ZNF346: variants seen among roughly 807,000 people sequenced by gnomAD.
ZNF346 encodes the protein zinc finger protein 346, also known as double-stranded RNA-binding zinc finger protein JAZ.
Under a neutral mutation model 33.7 loss-of-function variants are expected in ZNF346, and 23 were observed. The ratio of observed to expected loss-of-function variants is 0.68; its 90% CI spans 0.49 to 0.97. The LOEUF is 0.97. Among genes scored for constraint, ZNF346 ranks in the 50% least tolerant of loss-of-function variants. The pLI, the probability that ZNF346 is intolerant of heterozygous loss-of-function variation, is 0.00. For missense variants in ZNF346, 340 were observed against 371.1 expected, an observed-to-expected ratio of 0.92 and a Z score of 0.69; for synonymous variants, 134 against 142.4, an observed-to-expected ratio of 0.94 and a Z score of 0.42.
chr5:177,045,701 G>A (rs1052541512), intron 4 of ZNF346, among the ~76,000 whole-genome samples: 1 of 151,876 alleles, frequency 6.6e-6, no homozygotes, highest in Non-Finnish European at 1.5e-5. Flanking sequence ...ATATTGCTCA[G>A]GCTGGTCTTG....
chr5:177,032,888 T>C (rs1161562600), intron 1 of ZNF346, among the ~76,000 whole-genome samples: 1 of 152,120 alleles, frequency 6.6e-6, no homozygotes, highest in African/African-American at 2.4e-5. Context: ...AGACTCTGAC[T>C]CTAAAAAATT....
At chr5:177,061,425 C>T (rs1003724909) in intron 5 of ZNF346, among the ~76,000 whole-genome samples, 3 of 152,120 alleles carry the variant, frequency 2.0e-5, no homozygotes, top group Non-Finnish European at 4.4e-5. Flanking sequence ...AGCCTGGCCA[C>T]AGAGCGAGAC....
chr5:177,061,042 G>A (rs903249591), intron 5 of ZNF346, among the ~76,000 whole-genome samples: 6 of 152,070 alleles, frequency 3.9e-5, no homozygotes, highest in Admixed American at 1.3e-4. Context: ...AACCCGGGAG[G>A]CGGAGCTTGC....
intron 4 of ZNF346, among the ~76,000 whole-genome samples, chr5:177,045,282 T>TA (rs1659368544): frequency 6.6e-6 from 1 of 152,218 alleles, no homozygotes; most frequent in African/African-American, 2.4e-5. Flanking sequence ...ACACTATTAG[T>TA]AATACTATTA....
intron 1 of ZNF346, among the ~76,000 whole-genome samples, chr5:177,028,079 G>A (rs1300356022): frequency 9.4e-6 from 1 of 106,486 alleles, no homozygotes; most frequent in African/African-American, 3.9e-5. Context: ...TTTTGAGACG[G>A]GGTCTTGCCA....
At chr5:177,039,988 G>A (rs1779124339) in intron 1 of ZNF346, among the ~76,000 whole-genome samples, 2 of 151,982 alleles carry the variant, frequency 1.3e-5, no homozygotes, top group Admixed American at 6.6e-5. Flanking sequence ...AGACCATCCT[G>A]GCTAACACGA....
chr5:177,060,608 T>C (rs1183671734), intron 5 of ZNF346, among the ~76,000 whole-genome samples: 1 of 151,460 alleles, frequency 6.6e-6, no homozygotes, highest in African/African-American at 2.4e-5. Context: ...GGTCAGGAGT[T>C]TGAGACCAGC....
chr5:177,054,030 G>C lies in ZNF346; in HGVS notation c.703+3094G>C, dbSNP rs11740995. Among the ~76,000 whole-genome samples the C allele has an allele frequency of 2.0e-5, 3 of 151,934 alleles. No homozygotes were observed. The South Asian group carries it at 6.2e-4, about 31-fold the overall frequency. ...GCTTGAGATTTCATCATGCTACTCA[G>C]AATAGCCAGCACTTTAAAAAACTTA... On this transcript the variant is annotated intron_variant, in intron 5 of 6. Transcript: ENST00000358149.
chr5:177,078,437 A>C (rs2149722443), intron 8 of ZNF346, among the ~76,000 whole-genome samples: 1 of 152,298 alleles, frequency 6.6e-6, no homozygotes, highest in Non-Finnish European at 1.5e-5. Flanking sequence ...AGGGCCCTGA[A>C]TGTCAGGCTG....
At chr5:177,054,962 T>C (rs1353461103) in intron 5 of ZNF346, among the ~76,000 whole-genome samples, 2 of 152,068 alleles carry the variant, frequency 1.3e-5, no homozygotes, top group African/African-American at 4.8e-5. Context: ...AGTAAAAAAT[T>C]GTATTGAAAT....
rs1359436808 is a variant in ZNF346, at chr5:177,077,913, G to A, written c.*3-1469G>A. ...TGTAATCCCAGCACTTTGGGAGGCC[G>A]AGGCAGGTGGATCACCTGAGGTCAG... On this transcript the variant is annotated intron_variant, in intron 8 of 8. Coordinates refer to the ZNF346 transcript ENST00000503039. The surrounding 1 kb of genome is among the most constrained non-coding windows in gnomAD (Gnocchi z 5.0). 5.9e-5 allele frequency among the ~76,000 whole-genome samples: 9 copies of A among 152,138 alleles called. No homozygotes were observed. Among genetic ancestry groups the A allele is most frequent in the East Asian group, 3.9e-4 (2 of 5,186 alleles).
chr5:177,057,136 C>T (rs1781798275), intron 5 of ZNF346, among the ~76,000 whole-genome samples: 1 of 151,398 alleles, frequency 6.6e-6, no homozygotes. Context: ...ACTGGTGAAA[C>T]CCCATCTCCA....
intron 1 of ZNF346, chr5:177,023,325 T>C (rs574150797): frequency 1.1e-6 from 1 of 944,482 alleles, no homozygotes; most frequent in Non-Finnish European, 1.6e-6. Context: ...CTCCCTTCTC[T>C]CAAGCCCCAC....
rs566747930 is a variant in ZNF346, at chr5:177,073,100, G to T, written c.*3-6282G>T. Among the ~76,000 whole-genome samples the T allele has an allele frequency of 7.2e-5, 11 of 152,272 alleles. No individual in the cohort carries two copies. In the South Asian group the frequency reaches 1.2e-3, roughly 17 times the overall value. On this transcript the variant is annotated intron_variant, in intron 8 of 8. Transcript: ENST00000503039. ...AGCCCTTAATATGCTGTGTTACGAT[G>T]ATCTAATTCCCTGTCTCTTCTTTTA...
At chr5:177,069,876 G>T (rs1212963218), downstream of ZNF346, among the ~76,000 whole-genome samples, 1 of 151,914 alleles carries the variant, frequency 6.6e-6, no homozygotes, top group Non-Finnish European at 1.5e-5. Context: ...TGCCCAGGCT[G>T]GTCTCAAACT....
intron 5 of ZNF346, among the ~76,000 whole-genome samples, chr5:177,059,445 T>A (rs1782185362): frequency 6.6e-6 from 1 of 152,280 alleles, no homozygotes; most frequent in East Asian, 1.9e-4. Flanking sequence ...CAGGGGCAAA[T>A]GCATCATCTA....
intron 1 of ZNF346, among the ~76,000 whole-genome samples, chr5:177,032,065 A>G (rs1752852693): frequency 7.8e-6 from 1 of 127,566 alleles, no homozygotes; most frequent in Non-Finnish European, 1.5e-5. Flanking sequence ...GTGCAATGGC[A>G]CAATCTCAGC....
chr5:177,028,998 C>T (rs1247792283), intron 1 of ZNF346, among the ~76,000 whole-genome samples: 2 of 151,686 alleles, frequency 1.3e-5, no homozygotes, highest in East Asian at 1.9e-4. Flanking sequence ...GGATTACAGG[C>T]GTGAGCCACC....
At chr5:177,035,080 G>A (rs1043835980) in intron 1 of ZNF346, among the ~76,000 whole-genome samples, 4 of 151,328 alleles carry the variant, frequency 2.6e-5, no homozygotes, top group South Asian at 4.2e-4. Flanking sequence ...GTAGTGGCAC[G>A]ATCTTGGCTC....
Sources: allele counts gnomAD v4.1 joint callset (sites outside exome capture counted in the v4.1 genomes callset), GRCh38; gene constraint gnomAD v4.1.1; non-coding constraint Gnocchi (gnomAD v3.1); transcripts MANE v1.5; gene names NCBI Gene and HGNC (gene_info 2026-07-23, HGNC 2026-07-21).